The following OTOF variants were observed in gnomAD, a reference collection of about 807,000 sequenced individuals.
The protein encoded by OTOF is fer-1-like family member 2.
A neutral mutation model predicts 236.8 loss-of-function variants in OTOF; 218 were observed. The observed-to-expected ratio is 0.92, with a 90% CI of 0.82 to 1.03. The LOEUF is 1.03. OTOF is among the 50% of genes least tolerant of loss of function. The probability of loss-of-function intolerance (pLI) is 0.00; values close to 1 mark genes in which losing one functional copy is unlikely to be tolerated. For missense variants in OTOF, 2,590 were observed against 2,694.4 expected (o/e 0.96, Z 0.86); for synonymous variants, 1,041 against 1,072.5 (o/e 0.97, Z 0.57).
rs41286013 is a variant in OTOF at position 26,472,470 on chromosome 2, C to T, written c.3864+49G>A. 36,516 of 1,610,980 alleles carry T rather than the reference C, an allele frequency of 0.023. 621 individuals are homozygous for T. The highest frequency in any genetic ancestry group is 0.082 in the African/African-American group (6,137 of 74,946). On this transcript the variant is annotated intron_variant, in intron 30 of 46. Transcript: ENST00000272371. ...AGTCTGGTTCACAGGATGTGTCACA[C>T]GAAGTTGCATGTTCCCAGCCAGCAG...
Position 26,461,326 on chromosome 2 carries a change from C to T in OTOF, c.5534-296G>A, listed in dbSNP as rs1181135006. On this transcript the variant is annotated intron_variant, in intron 43 of 46. Coordinates refer to ENST00000272371, the MANE Select transcript of OTOF (RefSeq NM_194248.3). This position sits in a 1 kb window ranked among gnomAD's most constrained non-coding sequence, Gnocchi z 6.2. Reference sequence around the variant, plus strand: ...CCATTCTGTCAAAGTCCTGCTAATCCCACAAGCTTTTGCAGATGCAGATTA... The same window carrying T: ...CCATTCTGTCAAAGTCCTGCTAATCTCACAAGCTTTTGCAGATGCAGATTA... 2.0e-5 allele frequency among the ~76,000 whole-genome samples: 3 copies of T among 152,200 alleles called. No individual in the cohort carries two copies. Among genetic ancestry groups the T allele is most frequent in the Non-Finnish European group, 2.9e-5 (2 of 68,038 alleles).
intron 1 of OTOF, among the ~76,000 whole-genome samples, chr2:26,549,552 A>G (rs1461965916): frequency 1.3e-5 from 2 of 152,206 alleles, no homozygotes; most frequent in African/African-American, 4.8e-5. Context: ...TCTCAGCTAA[A>G]TGGAGGCCCC....
intron 8 of OTOF, among the ~76,000 whole-genome samples, chr2:26,495,516 C>T (rs1331827471): frequency 6.6e-6 from 1 of 152,044 alleles, no homozygotes; most frequent in East Asian, 1.9e-4. Context: ...CCCTCTGCCT[C>T]CTGGGTTCAA....
At chr2:26,465,570 C>T in intron 38 of OTOF, 102 bp downstream of exon 38, 1 of 1,328,920 alleles carries the variant, frequency 7.5e-7, no homozygotes, top group Non-Finnish European at 1.1e-6. Context: ...GGGACAGAAA[C>T]CACAATGTCT....
intron 30 of OTOF, chr2:26,472,306 G>C: frequency 1.6e-6 from 1 of 625,288 alleles, no homozygotes; most frequent in Non-Finnish European, 2.9e-6. Context: ...GCACACACAT[G>C]CACATTTACA....
At chr2:26,552,649 A>G (rs1667489914) in intron 1 of OTOF, among the ~76,000 whole-genome samples, 3 of 152,056 alleles carry the variant, frequency 2.0e-5, no homozygotes, top group Admixed American at 1.3e-4. Context: ...CTGGTGTGCA[A>G]TGGCTTGCTC....
intron 6 of OTOF, among the ~76,000 whole-genome samples, chr2:26,503,128 G>A (rs969144052): frequency 6.6e-6 from 1 of 152,216 alleles, no homozygotes; most frequent in African/African-American, 2.4e-5. Flanking sequence ...AGGGGATGCT[G>A]GGGGAGGGCA....
At chr2:26,484,739 C>G in intron 11 of OTOF, 106 bp from the exon 12 acceptor site, 2 of 1,193,870 alleles carry the variant, frequency 1.7e-6, no homozygotes, top group South Asian at 1.4e-5. Flanking sequence ...GTCTTGGTCC[C>G]TAGAGTCCCG....
At position 26,466,656 on chromosome 2, in the gene OTOF, C is replaced by G. The variant is rs1365205318; in HGVS notation, c.4500+58G>C. 4.4e-6 allele frequency: 7 copies of G among 1,601,442 alleles called. No homozygotes were observed. The African/African-American group carries it at 8.0e-5, about 18-fold the overall frequency. ...CTGGCCAGTATGCAGCTTCTTTGCT[C>G]TCTCCCAGATGGGAGGATGAGGAGA... On this transcript the variant is annotated intron_variant, in intron 36 of 46. Coordinates refer to ENST00000272371, the MANE Select transcript of OTOF (RefSeq NM_194248.3).
At chr2:26,482,657 G>C in intron 13 of OTOF, 65 bp from the exon 14 acceptor site, 6 of 1,405,350 alleles carry the variant, frequency 4.3e-6, no homozygotes, top group Non-Finnish European at 6.0e-6. Context: ...ATGTGTGTGT[G>C]TGTGAGTGGG....
chr2:26,475,557 A>G (rs1436399594), intron 24 of OTOF, 64 bp from the exon 25 acceptor site: 2 of 1,562,662 alleles, frequency 1.3e-6, no homozygotes. Flanking sequence ...CACAAACAGA[A>G]GCCACCCCTA....
intron 1 of OTOF, among the ~76,000 whole-genome samples, chr2:26,542,182 A>G (rs1204406551): frequency 6.6e-6 from 1 of 152,186 alleles, no homozygotes; most frequent in East Asian, 1.9e-4. Context: ...TCTGCACAAA[A>G]TAGCTCCCTC....
intron 5 of OTOF, among the ~76,000 whole-genome samples, chr2:26,505,239 C>G (rs1409373505): frequency 6.6e-6 from 1 of 152,144 alleles, no homozygotes; most frequent in East Asian, 1.9e-4. Flanking sequence ...TTAGCATGTT[C>G]TTTGAATTCC....
chr2:26,460,014 G>T lies in OTOF; in HGVS notation c.*11C>A. The T allele has an allele frequency of 6.4e-7, 1 of 1,562,640 alleles. No individual in the cohort carries two copies. The highest frequency in any genetic ancestry group is 8.7e-7 in the Non-Finnish European group (1 of 1,153,496). On this transcript the variant is annotated 3_prime_UTR_variant, in exon 46 of 47. Coordinates refer to ENST00000272371, the MANE Select transcript of OTOF (RefSeq NM_194248.3). The surrounding 1 kb of genome is among the most constrained non-coding windows in gnomAD (Gnocchi z 5.3). ...GAAGTAAGAAATATCAGACCCAGGA[G>T]GCCACTGGGCTCAGGCCCCGAGGAT...
intron 18 of OTOF, among the ~76,000 whole-genome samples, chr2:26,478,998 TC>T (rs1442627416): frequency 6.6e-6 from 1 of 152,224 alleles, no homozygotes; most frequent in African/African-American, 2.4e-5. Flanking sequence ...CACACCTGTC[TC>T]CCTAGCCTTG....
chr2:26,545,399 G>A (rs1411080747), intron 1 of OTOF, among the ~76,000 whole-genome samples: 1 of 151,962 alleles, frequency 6.6e-6, no homozygotes, highest in African/African-American at 2.4e-5. Flanking sequence ...TATATATTCT[G>A]GCTACAAGTC....
intron 1 of OTOF, among the ~76,000 whole-genome samples, chr2:26,544,149 A>G (rs979328662): frequency 3.3e-5 from 5 of 152,114 alleles, no homozygotes; most frequent in Non-Finnish European, 7.4e-5. Flanking sequence ...CTTATATAAT[A>G]TTTTTCAAGT....
chr2:26,484,768 CTGCCTG>C (rs1665661193), intron 11 of OTOF, 135 bp from the exon 12 acceptor site: 2 of 825,276 alleles, frequency 2.4e-6, no homozygotes, highest in Admixed American at 2.2e-5. Flanking sequence ...GGCCACAGCT[CTGCCTG>C]TCCCTAGCCC....
At position 26,483,580 on chromosome 2, in the gene OTOF, C is replaced by A; in HGVS notation, c.1274G>T (p.Arg425Leu). ...GTTCATACGGGGCAGCCCCTCTGCT[C>A]GGTAAATTTTCACATAGAACCGGGC... is the stretch of plus-strand genomic sequence containing the variant. ...QWARFYVKIY[R>L]AEGLPRMNTS... is the part of the protein sequence containing the mutation. Residue 425 changes from arginine to leucine, a missense_variant, in exon 13 of 47, where the codon CGA (arginine) becomes CTA (leucine). Arg to Leu is a moderately radical substitution (Grantham distance 102). Transcript: ENST00000272371. The A allele has an allele frequency of 6.2e-7, 1 of 1,613,806 alleles. No individual in the cohort carries two copies. Among genetic ancestry groups the A allele is most frequent in the South Asian group, 1.1e-5 (1 of 91,072 alleles).
Sources: allele counts gnomAD v4.1 joint callset (sites outside exome capture counted in the v4.1 genomes callset), GRCh38; gene constraint gnomAD v4.1.1; non-coding constraint Gnocchi (gnomAD v3.1); transcripts MANE v1.5; gene names NCBI Gene and HGNC (gene_info 2026-07-23, HGNC 2026-07-21).